The following DDX60 variants were observed in gnomAD, a reference collection of about 807,000 sequenced individuals.
DDX60 encodes the protein probable ATP-dependent RNA helicase DDX60.
Under a neutral mutation model 212.8 loss-of-function variants are expected in DDX60, and 165 were observed. That is an observed-to-expected ratio of 0.78 (90% CI 0.68 to 0.88). The LOEUF is 0.88. Ranked by LOEUF, DDX60 falls within the 40% of genes least tolerant of loss-of-function variation. The probability of loss-of-function intolerance (pLI) is 0.00; values close to 1 mark genes in which losing one functional copy is unlikely to be tolerated. For missense variants in DDX60, 1,905 were observed against 2,003.9 expected (o/e 0.95, Z 0.94); for synonymous variants, 703 against 685.3 (o/e 1.03, Z -0.40).
chr4:168,272,079 G>T lies in DDX60; in HGVS notation c.2634C>A (p.Asn878Lys). The change falls in exon 19 of 38, where the codon AAC becomes AAA. Residue 878 changes from asparagine (N) to lysine (K), a missense_variant. By Grantham distance (94) the Asn-to-Lys change is moderately conservative. Transcript: ENST00000393743. ...TAACATATCTGATCTTTTTCACCCAGTTTTGGCGATGAGGAGCAAGCAGCA... is the reference window on the plus strand; with the variant it reads ...TAACATATCTGATCTTTTTCACCCATTTTTGGCGATGAGGAGCAAGCAGCA... ...EILLLAPHRQ[N>K]WVKKIRYVIF... 1 of 1,587,798 alleles carries T rather than the reference G, an allele frequency of 6.3e-7. No homozygotes were observed. The highest frequency in any genetic ancestry group is 8.6e-7 in the Non-Finnish European group (1 of 1,164,268).
chr4:168,237,726 A>G lies in DDX60; in HGVS notation c.4234T>C (p.Tyr1412His). 6.2e-7 allele frequency: 1 copy of G among 1,611,962 alleles called. No homozygotes were observed. The highest frequency in any genetic ancestry group is 1.1e-5 in the South Asian group (1 of 90,964). The change falls in exon 31 of 38, where the codon TAC becomes CAC. Residue 1412 changes from tyrosine to histidine, a missense_variant. By Grantham distance (83) the Tyr-to-His change is moderately conservative. Coordinates refer to ENST00000393743, the MANE Select transcript of DDX60 (RefSeq NM_017631.6). Reference sequence around the variant, plus strand: ...AGGAACTGCAAAGAAAACAGGAAGTAAAGTTTTAACATGTCCATGACTCTG... The same window carrying G: ...AGGAACTGCAAAGAAAACAGGAAGTGAAGTTTTAACATGTCCATGACTCTG... ...QPRVMDMLKL[Y>H]FLFSLQFLVK... is the part of the protein sequence containing the mutation.
Position 168,255,746 on chromosome 4 carries a change from T to C in DDX60, c.3522A>G (p.Arg1174=), listed in dbSNP as rs746651142. ...KEAHVMANKL[R]KVKKSIEKQK... ...GTTTCTCTATGGATTTTTTAACTTTTCGAAGTTTGTTAGCCATGACATGGG... is the reference window on the plus strand; with the variant it reads ...GTTTCTCTATGGATTTTTTAACTTTCCGAAGTTTGTTAGCCATGACATGGG... The change falls in exon 26 of 38, where the codon CGA becomes CGG. Residue 1174 remains arginine, a synonymous_variant. Transcript: ENST00000393743. 2 of 1,591,784 alleles carry C rather than the reference T, an allele frequency of 1.3e-6. No homozygotes were observed. The highest frequency in any genetic ancestry group is 1.7e-6 in the Non-Finnish European group (2 of 1,174,522).
In DDX60 at chr4:168,291,784, G is replaced by T. The variant is rs17853803; in HGVS notation, c.1005C>A (p.Ser335=). ...AAGGCTTCATGTCCTCAGCCCAATG[G>T]GAAGTGATGACTCTAGCACAAGCTC... ...SQRACARVIT[S]HWAEDMKPLL... Residue 335 remains serine (S), a synonymous_variant, in exon 8 of 38, where the codon TCC becomes TCA. Coordinates refer to ENST00000393743, the MANE Select transcript of DDX60 (RefSeq NM_017631.6). The T allele has an allele frequency of 1.9e-6, 3 of 1,610,450 alleles. No individual in the cohort carries two copies. The highest frequency in any genetic ancestry group is 2.5e-6 in the Non-Finnish European group (3 of 1,178,584).
In DDX60 at chr4:168,316,977, G is replaced by A. The variant is rs1737414112; in HGVS notation, c.-107+1645C>T. Among the ~76,000 whole-genome samples the A allele has an allele frequency of 4.1e-5, 6 of 146,952 alleles. No homozygotes were observed. In the South Asian group the frequency reaches 1.3e-3, roughly 32 times the overall value. On this transcript the variant is annotated intron_variant, in intron 1 of 37. Coordinates refer to ENST00000393743, the MANE Select transcript of DDX60 (RefSeq NM_017631.6). ...GGAGGCTGAGGTAGAAGAATCGCTT[G>A]AACCTGGGAGGCAGAGGTTGCAGTG...
At chr4:168,233,452 C>T (rs1038808962) in intron 33 of DDX60, among the ~76,000 whole-genome samples, 7 of 152,046 alleles carry the variant, frequency 4.6e-5, no homozygotes, top group African/African-American at 1.7e-4. Context: ...AAATATGGAA[C>T]CAGCCTAAAT....
chr4:168,292,622 G>T (rs566968771), intron 7 of DDX60, among the ~76,000 whole-genome samples: 2 of 152,228 alleles, frequency 1.3e-5, no homozygotes, highest in Admixed American at 1.3e-4. Context: ...AAATAATATT[G>T]AAAATTACCA....
At chr4:168,227,898 T>C (rs1733314772) in intron 33 of DDX60, among the ~76,000 whole-genome samples, 2 of 152,156 alleles carry the variant, frequency 1.3e-5, no homozygotes, top group African/African-American at 4.8e-5. Flanking sequence ...TTACCTGGCA[T>C]ATATTTTTAA....
intron 19 of DDX60, among the ~76,000 whole-genome samples, chr4:168,271,822 T>C (rs1560844520): frequency 6.6e-6 from 1 of 151,944 alleles, no homozygotes; most frequent in African/African-American, 2.4e-5. Flanking sequence ...TCCACTCCCA[T>C]ACAGAACTCT....
At chr4:168,319,792 G>C (rs1472665917), upstream of DDX60, among the ~76,000 whole-genome samples, 2 of 152,152 alleles carry the variant, frequency 1.3e-5, no homozygotes, top group African/African-American at 4.8e-5. Flanking sequence ...GAAGCCACAG[G>C]CTGCTTTGTC....
chr4:168,319,793 C>G (rs1737557435), upstream of DDX60, among the ~76,000 whole-genome samples: 1 of 152,130 alleles, frequency 6.6e-6, no homozygotes, highest in Non-Finnish European at 1.5e-5. Context: ...AAGCCACAGG[C>G]TGCTTTGTCT....
At chr4:168,284,753 C>T (rs1735743273) in intron 12 of DDX60, 67 bp downstream of exon 12, 21 of 753,114 alleles carry the variant, frequency 2.8e-5, no homozygotes, top group Non-Finnish European at 8.1e-6. Flanking sequence ...GATAATTTTC[C>T]ACTATAAAAT....
intron 14 of DDX60, among the ~76,000 whole-genome samples, chr4:168,276,542 T>C (rs1735349995): frequency 6.6e-6 from 1 of 152,234 alleles, no homozygotes; most frequent in Non-Finnish European, 1.5e-5. Context: ...ACTTGAAATA[T>C]CTGGTTAAAA....
intron 27 of DDX60, among the ~76,000 whole-genome samples, chr4:168,252,260 T>G (rs1459178365): frequency 1.3e-5 from 2 of 152,240 alleles, no homozygotes; most frequent in African/African-American, 4.8e-5. Context: ...TATCTCAGTG[T>G]GTGCTACTAG....
chr4:168,252,428 T>C (rs2149506008), intron 27 of DDX60, 81 bp downstream of exon 27: 1 of 1,500,864 alleles, frequency 6.7e-7, no homozygotes. Context: ...TGCATATATC[T>C]TATTAAGCAT....
intron 25 of DDX60, among the ~76,000 whole-genome samples, chr4:168,259,127 C>T (rs1734525651): frequency 1.3e-5 from 2 of 152,192 alleles, no homozygotes; most frequent in South Asian, 4.1e-4. Flanking sequence ...AAACATACTA[C>T]ATACATGTGC....
chr4:168,266,203 A>G (rs1734842047), intron 22 of DDX60, among the ~76,000 whole-genome samples: 1 of 152,214 alleles, frequency 6.6e-6, no homozygotes, highest in Admixed American at 6.5e-5. Context: ...CTCATTGTAA[A>G]GTGGGAATAG....
chr4:168,299,106 A>C (rs1190777743), intron 6 of DDX60, among the ~76,000 whole-genome samples: 1 of 145,300 alleles, frequency 6.9e-6, no homozygotes, highest in Non-Finnish European at 1.5e-5. Context: ...GGATGCAGTG[A>C]ACCGAGATTG....
At chr4:168,224,494 A>AC in intron 34 of DDX60, 109 bp from the exon 35 acceptor site, 12 of 1,027,528 alleles carry the variant, frequency 1.2e-5, no homozygotes, top group Non-Finnish European at 1.7e-5. Flanking sequence ...AGCTTCATGT[A>AC]ATGAAGACTG....
At chr4:168,294,932 A>G (rs1736275418) in intron 6 of DDX60, among the ~76,000 whole-genome samples, 1 of 152,216 alleles carries the variant, frequency 6.6e-6, no homozygotes, top group Non-Finnish European at 1.5e-5. Context: ...ACACACAAAC[A>G]AACAAAAAAC....
Sources: allele counts gnomAD v4.1 joint callset (sites outside exome capture counted in the v4.1 genomes callset), GRCh38; gene constraint gnomAD v4.1.1; transcripts MANE v1.5; gene names NCBI Gene and HGNC (gene_info 2026-07-23, HGNC 2026-07-21).